The following COL4A4 variants were observed in gnomAD, a reference collection of about 807,000 sequenced individuals.
COL4A4 encodes the protein collagen alpha-4(IV) chain.
Under a neutral mutation model 192.9 loss-of-function variants are expected in COL4A4, and 105 were observed. That is an observed-to-expected ratio of 0.54 (90% CI 0.46 to 0.64). The LOEUF (loss-of-function observed/expected upper bound fraction) is 0.64, where lower values mean the gene tolerates loss of function less well. COL4A4 is among the 30% of genes least tolerant of loss of function. COL4A4 has a pLI of 0.00. For missense variants in COL4A4, 1,967 were observed against 2,169.3 expected (o/e 0.91, Z 1.85); for synonymous variants, 762 against 769.9 (o/e 0.99, Z 0.17).
chr2:227,065,726 C>A (rs1444316717), intron 25 of COL4A4, among the ~76,000 whole-genome samples: 1 of 152,228 alleles, frequency 6.6e-6, no homozygotes, highest in Non-Finnish European at 1.5e-5. Flanking sequence ...CCCATCTCTA[C>A]ATCACCATCA....
intron 12 of COL4A4, among the ~76,000 whole-genome samples, chr2:227,108,300 G>C (rs2060978673): frequency 6.6e-6 from 1 of 152,214 alleles, no homozygotes; most frequent in Non-Finnish European, 1.5e-5. Flanking sequence ...TGACAAAGCT[G>C]TTACTCTGGA....
intron 42 of COL4A4, among the ~76,000 whole-genome samples, chr2:227,026,666 G>T (rs1399889052): frequency 6.6e-6 from 1 of 152,174 alleles, no homozygotes; most frequent in African/African-American, 2.4e-5. Flanking sequence ...TTAGGATCTT[G>T]AAAGATATTA....
At chr2:227,042,960 G>T in intron 36 of COL4A4, 117 bp downstream of exon 36, 1 of 787,380 alleles carries the variant, frequency 1.3e-6, no homozygotes, top group Non-Finnish European at 2.2e-6. Context: ...CAAAGTCACA[G>T]GTCTGGGAAA....
the COL4A4 span, chr2:226,988,291 C>A: frequency 6.5e-7 from 1 of 1,535,246 alleles, no homozygotes. Context: ...GTCTCTTCCC[C>A]TGTCCTTCCC....
At chr2:227,110,178 T>G (rs1242443881) in intron 9 of COL4A4, among the ~76,000 whole-genome samples, 1 of 152,144 alleles carries the variant, frequency 6.6e-6, no homozygotes, top group African/African-American at 2.4e-5. Flanking sequence ...TGGAGAGATG[T>G]TCCCCGGGCT....
At position 227,118,737 on chromosome 2, in the gene COL4A4, T is replaced by C; in HGVS notation, c.397A>G (p.Arg133Gly). ...TGGCCACTCATACCAGGTTTGCCTC[T>C]GGGTCCAGGAGGCCCTGGGTGCCCC... ...IPGHPGPPGP[R>G]GKPGMSGHNG... The change falls in exon 7 of 48, where the codon AGA (arginine) becomes GGA (glycine). Residue 133 changes from arginine to glycine, a missense_variant. Coordinates refer to ENST00000396625, the MANE Select transcript of COL4A4 (RefSeq NM_000092.5). The C allele has an allele frequency of 1.2e-6, 2 of 1,613,784 alleles. No individual in the cohort carries two copies. Among genetic ancestry groups the C allele is most frequent in the Non-Finnish European group, 1.7e-6 (2 of 1,179,948 alleles).
At chr2:226,975,986 G>A in the COL4A4 span, among the ~76,000 whole-genome samples, 2 of 152,078 alleles carry the variant, frequency 1.3e-5, no homozygotes, top group Non-Finnish European at 2.9e-5. Flanking sequence ...CATGGTTCCA[G>A]TTGAAAATAG....
intron 4 of COL4A4, among the ~76,000 whole-genome samples, chr2:227,128,411 T>A (rs1013000341): frequency 2.0e-5 from 3 of 152,190 alleles, no homozygotes; most frequent in African/African-American, 7.2e-5. Flanking sequence ...TTTTTTGTGG[T>A]TCTCAAATTT....
At chr2:227,110,477 G>A (rs577798322) in intron 9 of COL4A4, among the ~76,000 whole-genome samples, 1 of 152,098 alleles carries the variant, frequency 6.6e-6, no homozygotes, top group African/African-American at 2.4e-5. Flanking sequence ...TCTGCCTCCT[G>A]AGTTTTAGCA....
the COL4A4 span, among the ~76,000 whole-genome samples, chr2:226,982,603 A>C: frequency 6.6e-6 from 1 of 152,210 alleles, no homozygotes; most frequent in Admixed American, 6.5e-5. Context: ...TGTGAATTTC[A>C]TAGACAAAAC....
chr2:226,973,112 C>G, the COL4A4 span, among the ~76,000 whole-genome samples: 1 of 152,148 alleles, frequency 6.6e-6, no homozygotes, highest in East Asian at 1.9e-4. Flanking sequence ...GGACTTCAGC[C>G]TCGGGGTTCT....
intron 4 of COL4A4, among the ~76,000 whole-genome samples, chr2:227,125,242 C>G (rs1443247815): frequency 1.3e-5 from 2 of 151,586 alleles, no homozygotes; most frequent in Admixed American, 1.3e-4. Flanking sequence ...GAGTCTCGCT[C>G]TTTCTCCCAG....
rs1459868929 is a variant in COL4A4 at position 227,123,306 on chromosome 2, G to A, written c.193-2158C>T. ...ATAGCAAGAGAAACCGGAAATCCAC[G>A]GGAAAGGCACCAACCTGAGACTCAG... On this transcript the variant is annotated intron_variant, in intron 4 of 47. Coordinates refer to ENST00000396625, the MANE Select transcript of COL4A4 (RefSeq NM_000092.5). This position sits in a 1 kb window ranked among gnomAD's most constrained non-coding sequence, Gnocchi z 4.6. Among the ~76,000 whole-genome samples the A allele has an allele frequency of 7.9e-5, 12 of 152,180 alleles. No homozygotes were observed. In the South Asian group the frequency reaches 1.2e-3, roughly 16 times the overall value.
At chr2:227,102,684 G>T in intron 15 of COL4A4, 105 bp downstream of exon 15, 1 of 922,942 alleles carries the variant, frequency 1.1e-6, no homozygotes, top group Non-Finnish European at 1.8e-6. Context: ...TCTTACATGA[G>T]CTATTCTTCA....
At chr2:227,124,024 T>C (rs2061949381) in intron 4 of COL4A4, among the ~76,000 whole-genome samples, 1 of 152,312 alleles carries the variant, frequency 6.6e-6, no homozygotes, top group East Asian at 1.9e-4. Flanking sequence ...TTTAGCATAG[T>C]GCCTGGCATA....
chr2:227,059,750 G>C, intron 27 of COL4A4, 127 bp from the exon 28 acceptor site: 1 of 773,460 alleles, frequency 1.3e-6, no homozygotes, highest in Non-Finnish European at 2.2e-6. Flanking sequence ...ATTAAGAGCA[G>C]TTTAACAGTA....
In COL4A4 at chr2:227,080,457, C is replaced by A. The variant is rs755687527; in HGVS notation, c.1789G>T (p.Asp597Tyr). The A allele has an allele frequency of 6.2e-7, 1 of 1,613,846 alleles. No individual in the cohort carries two copies. The highest frequency in any genetic ancestry group is 1.1e-5 in the South Asian group (1 of 91,058). Residue 597 changes from aspartate (D) to tyrosine (Y), a missense_variant, in exon 24 of 48, where the codon GAT (aspartate) becomes TAT (tyrosine). Coordinates refer to ENST00000396625, the MANE Select transcript of COL4A4 (RefSeq NM_000092.5). ...GRDGHAGEKG[D>Y]PGPPGDHEDA... ...ATTCTACATACTGGAGGTCCTGGAT[C>A]CCCTTTTTCTCCAGCATGTCCATCC...
chr2:227,090,340 A>G (rs1346177691), intron 20 of COL4A4, among the ~76,000 whole-genome samples: 1 of 152,240 alleles, frequency 6.6e-6, no homozygotes, highest in Non-Finnish European at 1.5e-5. Flanking sequence ...AAGAAAATGG[A>G]AAAGCAGAGC....
At chr2:227,011,241 A>AT (rs898474699) in intron 45 of COL4A4, among the ~76,000 whole-genome samples, 2 of 152,114 alleles carry the variant, frequency 1.3e-5, no homozygotes, top group Admixed American at 1.3e-4. Flanking sequence ...ACCAAAAGGT[A>AT]TTTTTTGTGT....
Sources: allele counts gnomAD v4.1 joint callset (sites outside exome capture counted in the v4.1 genomes callset), GRCh38; gene constraint gnomAD v4.1.1; non-coding constraint Gnocchi (gnomAD v3.1); transcripts MANE v1.5; gene names NCBI Gene and HGNC (gene_info 2026-07-23, HGNC 2026-07-21).